SHISA9: variants seen among roughly 807,000 people sequenced by gnomAD.
SHISA9 encodes protein shisa-9.
A neutral mutation model predicts 38.0 loss-of-function variants in SHISA9; 13 were observed. The ratio of observed to expected loss-of-function variants is 0.34; its 90% CI spans 0.22 to 0.54. The LOEUF (loss-of-function observed/expected upper bound fraction) is 0.54. SHISA9 is among the 20% of genes least tolerant of loss of function. The pLI, the probability that SHISA9 is intolerant of heterozygous loss-of-function variation, is 0.91. For missense variants in SHISA9, 538 were observed against 575.8 expected (o/e 0.93, Z 0.67); for synonymous variants, 275 against 242.0 (o/e 1.14, Z -1.27).
intron 4 of SHISA9, among the ~76,000 whole-genome samples, chr16:13,213,816 G>C (rs781511524): frequency 6.6e-6 from 1 of 152,216 alleles, no homozygotes; most frequent in Non-Finnish European, 1.5e-5. Context: ...TTGAGTCTGT[G>C]AGTTAACCCA....
At chr16:12,913,234 T>C (rs1186646956) in intron 1 of SHISA9, among the ~76,000 whole-genome samples, 1 of 152,210 alleles carries the variant, frequency 6.6e-6, no homozygotes, top group East Asian at 1.9e-4. Flanking sequence ...TTCACTCTTG[T>C]TGCCCAGCCT....
chr16:12,980,736 T>G (rs983369477), intron 2 of SHISA9, among the ~76,000 whole-genome samples: 5 of 152,086 alleles, frequency 3.3e-5, no homozygotes, highest in Admixed American at 2.0e-4. Flanking sequence ...CCTTTAATTT[T>G]TTTTCTATTT....
At chr16:13,334,565 G>A in the SHISA9 span, among the ~76,000 whole-genome samples, 9 of 152,056 alleles carry the variant, frequency 5.9e-5, no homozygotes, top group African/African-American at 1.9e-4. Context: ...ACAAGGTCAG[G>A]AGATCGAGGC....
the SHISA9 span, among the ~76,000 whole-genome samples, chr16:13,476,390 C>A: frequency 3.9e-5 from 6 of 152,164 alleles, no homozygotes; most frequent in East Asian, 1.2e-3. Flanking sequence ...GACTAAGCTC[C>A]CATCTCCTCA....
At chr16:13,244,286 G>C (rs941486204), downstream of SHISA9, among the ~76,000 whole-genome samples, 1 of 152,094 alleles carries the variant, frequency 6.6e-6, no homozygotes, top group African/African-American at 2.4e-5. Context: ...TGGTAATACA[G>C]TTGGCCCTTG....
the SHISA9 span, among the ~76,000 whole-genome samples, chr16:13,380,490 A>G: frequency 6.6e-6 from 1 of 152,186 alleles, no homozygotes; most frequent in East Asian, 1.9e-4. Flanking sequence ...AATTCTGACT[A>G]CTAATAATTT....
At chr16:12,914,375 T>C (rs1377955699) in intron 1 of SHISA9, among the ~76,000 whole-genome samples, 1 of 152,196 alleles carries the variant, frequency 6.6e-6, no homozygotes, top group Non-Finnish European at 1.5e-5. Flanking sequence ...GTTTATTTTT[T>C]TTTTAAATCT....
chr16:13,469,379 A>AAG, the SHISA9 span, among the ~76,000 whole-genome samples: 2 of 108,332 alleles, frequency 1.8e-5, no homozygotes, highest in South Asian at 4.0e-4. Flanking sequence ...GAAAGAAAGA[A>AAG]AGAAAGAAAG....
At chr16:13,062,829 G>T (rs1764407665) in intron 2 of SHISA9, among the ~76,000 whole-genome samples, 1 of 152,066 alleles carries the variant, frequency 6.6e-6, no homozygotes, top group African/African-American at 2.4e-5. Context: ...CGATGATGGA[G>T]TTTCTTGGTG....
chr16:13,297,852 G>A, the SHISA9 span, among the ~76,000 whole-genome samples: 2 of 152,136 alleles, frequency 1.3e-5, no homozygotes, highest in Non-Finnish European at 2.9e-5. Context: ...TACCTCCGAG[G>A]TCCAAGCAAT....
chr16:13,379,242 C>T, the SHISA9 span, among the ~76,000 whole-genome samples: 1 of 152,202 alleles, frequency 6.6e-6, no homozygotes, highest in Non-Finnish European at 1.5e-5. Flanking sequence ...GAGGAGTTCA[C>T]TCCAAGTTCA....
At chr16:12,908,369 G>C in intron 1 of SHISA9, 1 of 1,489,522 alleles carries the variant, frequency 6.7e-7, no homozygotes, top group Non-Finnish European at 8.9e-7. Context: ...TAAATACATT[G>C]CAAAGTGTTG....
At chr16:13,075,706 T>G (rs2141928769) in intron 2 of SHISA9, among the ~76,000 whole-genome samples, 1 of 152,304 alleles carries the variant, frequency 6.6e-6, no homozygotes, top group East Asian at 1.9e-4. Flanking sequence ...AAATGTCTAT[T>G]CTGAAGGTAC....
At chr16:13,434,056 G>T in the SHISA9 span, among the ~76,000 whole-genome samples, 1 of 152,142 alleles carries the variant, frequency 6.6e-6, no homozygotes, top group African/African-American at 2.4e-5. Flanking sequence ...CAAAAGTAGG[G>T]AAGCCAACAG....
At chr16:12,933,482 T>C (rs1217079378) in intron 2 of SHISA9, among the ~76,000 whole-genome samples, 1 of 152,072 alleles carries the variant, frequency 6.6e-6, no homozygotes, top group Non-Finnish European at 1.5e-5. Context: ...TTTAGTAGGA[T>C]GGGGTTTCTC....
chr16:13,449,206 A>G, the SHISA9 span, among the ~76,000 whole-genome samples: 3 of 152,238 alleles, frequency 2.0e-5, no homozygotes, highest in African/African-American at 7.2e-5. Flanking sequence ...TATACAATAT[A>G]GTCTCAAGTT....
At chr16:13,213,506 C>T (rs188278024) in intron 4 of SHISA9, among the ~76,000 whole-genome samples, 7 of 152,126 alleles carry the variant, frequency 4.6e-5, no homozygotes, top group South Asian at 2.1e-4. Context: ...TGTTGGACAA[C>T]GTGGTAGCCC....
At chr16:13,331,684 T>A in the SHISA9 span, 2 of 152,150 alleles carry the variant, frequency 1.3e-5, no homozygotes, top group African/African-American at 4.8e-5. Flanking sequence ...TGTCTGTAAT[T>A]CCAAACTTCT....
chr16:13,015,750 A>T (rs1460516704), intron 2 of SHISA9, among the ~76,000 whole-genome samples: 5 of 152,006 alleles, frequency 3.3e-5, no homozygotes, highest in African/African-American at 1.2e-4. Context: ...TAGCTGATTC[A>T]TCAACACCCT....
Sources: gnomAD v4.1 joint callset for allele counts (sites outside exome capture counted in the v4.1 genomes callset) on GRCh38, gnomAD v4.1.1 for gene constraint, MANE v1.5 for transcripts, NCBI Gene and HGNC (gene_info 2026-07-23, HGNC 2026-07-21) for gene names.